GULP1: variants seen among roughly 807,000 people sequenced by gnomAD.
The protein encoded by GULP1 is PTB domain-containing engulfment adapter protein 1.
GULP1 carries 19 observed loss-of-function variants against 40.9 expected under a neutral mutation model. The observed-to-expected ratio is 0.46, with a 90% CI of 0.32 to 0.68. The LOEUF (loss-of-function observed/expected upper bound fraction) is 0.68. GULP1 is among the 30% of genes least tolerant of loss of function. The probability of loss-of-function intolerance (pLI) is 0.03; values close to 1 mark genes in which losing one functional copy is unlikely to be tolerated. For missense variants in GULP1, 312 were observed against 362.2 expected, an observed-to-expected ratio of 0.86 and a Z score of 1.12; for synonymous variants, 119 against 117.6, an observed-to-expected ratio of 1.01 and a Z score of -0.08.
intron 4 of GULP1, among the ~76,000 whole-genome samples, chr2:188,495,675 A>G (rs1194816111): frequency 5.9e-5 from 9 of 152,046 alleles, no homozygotes; most frequent in Middle Eastern, 3.2e-3. Context: ...CAGTTTTCAC[A>G]CATCTAAAAT....
chr2:188,556,259 C>T (rs1694735342), intron 7 of GULP1, among the ~76,000 whole-genome samples: 1 of 151,966 alleles, frequency 6.6e-6, no homozygotes, highest in African/African-American at 2.4e-5. Flanking sequence ...ATTTGTCCGA[C>T]TGAATTATTT....
At chr2:188,393,238 T>C (rs1246988863) in intron 2 of GULP1, among the ~76,000 whole-genome samples, 1 of 152,066 alleles carries the variant, frequency 6.6e-6, no homozygotes, top group African/African-American at 2.4e-5. Flanking sequence ...TAGTAGTAAG[T>C]ATTTTTAAAA....
intron 2 of GULP1, among the ~76,000 whole-genome samples, chr2:188,435,664 C>G (rs1172457656): frequency 6.6e-6 from 1 of 152,030 alleles, no homozygotes; most frequent in Admixed American, 6.6e-5. Flanking sequence ...GTTTTCTGGG[C>G]TGTATTCTCA....
intron 1 of GULP1, chr2:188,297,472 A>C (rs574044623): frequency 4.2e-6 from 2 of 475,778 alleles, no homozygotes; most frequent in Admixed American, 4.6e-5. Context: ...TAGGTGTTAC[A>C]GTTGATCCAT....
At chr2:188,530,919 C>T (rs1348828203) in intron 6 of GULP1, among the ~76,000 whole-genome samples, 1 of 152,140 alleles carries the variant, frequency 6.6e-6, no homozygotes, top group African/African-American at 2.4e-5. Flanking sequence ...TCTTCTAACA[C>T]CATAGGATAC....
chr2:188,509,687 T>C (rs1378845088), intron 4 of GULP1, among the ~76,000 whole-genome samples: 3 of 152,122 alleles, frequency 2.0e-5, no homozygotes, highest in Non-Finnish European at 1.5e-5. Context: ...TAAAAATGGC[T>C]TAAGAGTTCA....
At chr2:188,389,974 G>A (rs1418440204) in intron 2 of GULP1, among the ~76,000 whole-genome samples, 2 of 150,730 alleles carry the variant, frequency 1.3e-5, no homozygotes, top group Non-Finnish European at 3.0e-5. Context: ...TTTTTAAATG[G>A]CTGAGTAGCA....
At chr2:188,372,490 C>G (rs539308785) in intron 1 of GULP1, among the ~76,000 whole-genome samples, 1 of 152,146 alleles carries the variant, frequency 6.6e-6, no homozygotes, top group East Asian at 1.9e-4. Flanking sequence ...TTCAGCATGT[C>G]ATAACTTCTC....
At chr2:188,369,224 G>A (rs1179979555) in intron 1 of GULP1, among the ~76,000 whole-genome samples, 1 of 151,576 alleles carries the variant, frequency 6.6e-6, no homozygotes, top group Non-Finnish European at 1.5e-5. Context: ...GCCTCCCAAA[G>A]TGGTGGGATT....
At chr2:188,549,740 T>C (rs1692958612) in intron 7 of GULP1, among the ~76,000 whole-genome samples, 1 of 151,744 alleles carries the variant, frequency 6.6e-6, no homozygotes, top group African/African-American at 2.4e-5. Context: ...CCAGAAAATG[T>C]GTGAAGGGAC....
intron 1 of GULP1, among the ~76,000 whole-genome samples, chr2:188,345,861 C>T (rs2043578158): frequency 6.6e-6 from 1 of 152,200 alleles, no homozygotes; most frequent in African/African-American, 2.4e-5. Context: ...CATTCAAATA[C>T]TTATTAAACA....
chr2:188,540,009 T>C (rs900314479), intron 6 of GULP1, among the ~76,000 whole-genome samples: 2 of 152,108 alleles, frequency 1.3e-5, no homozygotes, highest in African/African-American at 4.8e-5. Flanking sequence ...CTTCTAGTTA[T>C]AACCTAAAAT....
chr2:188,402,667 G>A (rs770785779), intron 2 of GULP1, among the ~76,000 whole-genome samples: 3 of 151,958 alleles, frequency 2.0e-5, no homozygotes, highest in Non-Finnish European at 2.9e-5. Flanking sequence ...TTTTGGCTTA[G>A]TTAGGAGTAC....
At chr2:188,488,530 T>C (rs913939300) in intron 4 of GULP1, among the ~76,000 whole-genome samples, 4 of 152,056 alleles carry the variant, frequency 2.6e-5, no homozygotes, top group African/African-American at 9.6e-5. Context: ...TTGACACTAG[T>C]CATTACTATC....
intron 2 of GULP1, among the ~76,000 whole-genome samples, chr2:188,442,226 G>A (rs1008364896): frequency 6.6e-6 from 1 of 152,136 alleles, no homozygotes; most frequent in African/African-American, 2.4e-5. Flanking sequence ...GAGACTTAGT[G>A]TGCAAATACA....
rs1437719102 is a variant in GULP1, at chr2:188,434,261, A to C, written c.-44-43398A>C. On this transcript the variant is annotated intron_variant, in intron 2 of 11. Transcript: ENST00000409830. Reference sequence around the variant, plus strand: ...GATGTCAAAACTTTGATTACAGTCTATTTTTCTTTCTCCTTTATAAAAAAT... The same window carrying C: ...GATGTCAAAACTTTGATTACAGTCTCTTTTTCTTTCTCCTTTATAAAAAAT... Among the ~76,000 whole-genome samples, 3 of 150,046 alleles carry C rather than the reference A, an allele frequency of 2.0e-5. No individual in the cohort carries two copies. In the South Asian group the frequency reaches 6.3e-4, roughly 31 times the overall value.
chr2:188,543,022 C>A (rs1251372887), intron 7 of GULP1, among the ~76,000 whole-genome samples: 1 of 151,892 alleles, frequency 6.6e-6, no homozygotes, highest in African/African-American at 2.4e-5. Flanking sequence ...TTCTTTGATC[C>A]CTATCCAAAT....
chr2:188,509,978 A>G (rs1314925241), intron 4 of GULP1, among the ~76,000 whole-genome samples: 2 of 152,120 alleles, frequency 1.3e-5, no homozygotes, highest in South Asian at 2.1e-4. Context: ...AATATTTTTG[A>G]GATGGATTAG....
intron 4 of GULP1, among the ~76,000 whole-genome samples, chr2:188,510,604 TAC>T (rs1265902712): frequency 1.3e-5 from 2 of 152,006 alleles, no homozygotes; most frequent in Non-Finnish European, 2.9e-5. Flanking sequence ...GCATGAAATA[TAC>T]TCAGCCTCAC....
Sources: gnomAD v4.1 joint callset for allele counts (sites outside exome capture counted in the v4.1 genomes callset) on GRCh38, gnomAD v4.1.1 for gene constraint, MANE v1.5 for transcripts, NCBI Gene and HGNC (gene_info 2026-07-23, HGNC 2026-07-21) for gene names.